The following SCUBE1 variants were observed in gnomAD, a reference collection of about 807,000 sequenced individuals.
SCUBE1 encodes signal peptide, CUB and EGF-like domain-containing protein 1.
Under a neutral mutation model 124.4 loss-of-function variants are expected in SCUBE1, and 59 were observed. The observed-to-expected ratio is 0.47, with a 90% CI of 0.38 to 0.59. SCUBE1 has a LOEUF of 0.59. Among genes scored for constraint, SCUBE1 ranks in the 20% least tolerant of loss-of-function variants. SCUBE1 has a pLI of 0.00. For synonymous variants in SCUBE1, 545 were observed against 550.9 expected (o/e 0.99, Z 0.15); for missense variants, 1,150 against 1,371.2 (o/e 0.84, Z 2.55).
chr22:43,338,614 C>T (rs1375836517), intron 2 of SCUBE1, among the ~76,000 whole-genome samples: 1 of 152,152 alleles, frequency 6.6e-6, no homozygotes, highest in East Asian at 1.9e-4. Flanking sequence ...CAACCTCTGC[C>T]TCCTGGGTTC....
chr22:43,266,729 G>T lies in SCUBE1; in HGVS notation c.485-3884C>A, dbSNP rs1054767327. On this transcript the variant is annotated intron_variant, in intron 4 of 21. Coordinates refer to ENST00000360835, the MANE Select transcript of SCUBE1 (RefSeq NM_173050.5). Reference sequence around the variant, plus strand: ...GAGCAGACGTTTCCTGGGGGGAACCGATTTGGGAACCTGGTGCAGAGTGGG... The same window carrying T: ...GAGCAGACGTTTCCTGGGGGGAACCTATTTGGGAACCTGGTGCAGAGTGGG... 2.6e-5 allele frequency among the ~76,000 whole-genome samples: 4 copies of T among 152,156 alleles called. No homozygotes were observed. The East Asian group carries it at 5.8e-4, about 22-fold the overall frequency.
intron 1 of SCUBE1, among the ~76,000 whole-genome samples, chr22:43,340,608 T>C (rs1045205509): frequency 8.7e-6 from 1 of 115,568 alleles, no homozygotes; most frequent in African/African-American, 3.4e-5. Context: ...ATAATCCAGG[T>C]TGATTCCTCA....
chr22:43,319,842 G>C, intron 3 of SCUBE1, 95 bp downstream of exon 3: 1 of 1,476,094 alleles, frequency 6.8e-7, no homozygotes, highest in Non-Finnish European at 9.2e-7. Flanking sequence ...GAAGCCAAAG[G>C]AAGGAGAACC....
intron 10 of SCUBE1, among the ~76,000 whole-genome samples, chr22:43,226,093 A>G (rs1323616681): frequency 6.6e-6 from 1 of 152,226 alleles, no homozygotes; most frequent in Non-Finnish European, 1.5e-5. Flanking sequence ...TCACTGACAA[A>G]TATTTACTCT....
At chr22:43,323,252 G>A (rs775608403) in intron 2 of SCUBE1, among the ~76,000 whole-genome samples, 3 of 152,010 alleles carry the variant, frequency 2.0e-5, no homozygotes, top group African/African-American at 4.8e-5. Flanking sequence ...ACACATGTGT[G>A]CATGCCTATC....
At chr22:43,319,702 G>A (rs528077732) in intron 3 of SCUBE1, among the ~76,000 whole-genome samples, 8 of 152,048 alleles carry the variant, frequency 5.3e-5, no homozygotes, top group East Asian at 1.9e-4. Flanking sequence ...CGGGCCCTCC[G>A]AAAAACCAAC....
intron 4 of SCUBE1, among the ~76,000 whole-genome samples, chr22:43,265,625 G>C (rs1924032254): frequency 6.6e-6 from 1 of 152,196 alleles, no homozygotes; most frequent in Non-Finnish European, 1.5e-5. Context: ...GGAGAGCAAG[G>C]GACGGGCCAG....
rs1488028612 is a variant in SCUBE1 at position 43,281,414 on chromosome 22, GCCA to G, written c.484+9629_484+9631del. ...CTCAGCTATCCTGTCACCTCCCTCAGCCATCCTCCTGTCACCTCCCTTGGCCAC... is the reference window on the plus strand; with the variant it reads ...CTCAGCTATCCTGTCACCTCCCTCAGTCCTCCTGTCACCTCCCTTGGCCAC... On this transcript the variant is annotated intron_variant, in intron 4 of 21. Transcript: ENST00000360835. Among the ~76,000 whole-genome samples, 114 of 76,722 alleles carry G rather than the reference GCCA, an allele frequency of 1.5e-3. 10 individuals are homozygous for G. Among genetic ancestry groups the G allele is most frequent in the East Asian group, 0.014 (10 of 706 alleles). 50.3% of individuals were successfully genotyped at this position (76,722 alleles called of 152,430 possible). A position where few individuals can be genotyped will look rare whatever the true frequency, so the allele number is the denominator to read the frequency against.
rs1925139956 is a variant in SCUBE1 at position 43,286,305 on chromosome 22, C to T, written c.484+4741G>A. On this transcript the variant is annotated intron_variant, in intron 4 of 21. Coordinates refer to ENST00000360835, the MANE Select transcript of SCUBE1 (RefSeq NM_173050.5). ...TCCATGGTAGAGCTGGGGTTCCAGC[C>T]TAGGCCACTGGGCCTGAAGCCCCGC... 2.0e-5 allele frequency among the ~76,000 whole-genome samples: 3 copies of T among 152,248 alleles called. No homozygotes were observed. The South Asian group carries it at 6.2e-4, about 32-fold the overall frequency.
intron 2 of SCUBE1, 145 bp from the exon 3 acceptor site, chr22:43,320,210 A>G: frequency 1.0e-6 from 1 of 980,574 alleles, no homozygotes; most frequent in Non-Finnish European, 1.5e-6. Flanking sequence ...TGAGGACTCA[A>G]GTATTATAAA....
chr22:43,311,489 C>T (rs914373008), intron 3 of SCUBE1, among the ~76,000 whole-genome samples: 2 of 149,264 alleles, frequency 1.3e-5, no homozygotes, highest in Non-Finnish European at 3.0e-5. Context: ...GGTGTAATCT[C>T]GGCTCATTGC....
chr22:43,198,607 T>G lies in SCUBE1; in HGVS notation c.*5390A>C, dbSNP rs1344798008. 2 of 456,610 alleles carry G rather than the reference T, an allele frequency of 4.4e-6. No homozygotes were observed. Among genetic ancestry groups the G allele is most frequent in the Non-Finnish European group, 8.8e-6 (2 of 226,974 alleles). The allele number at this position is 456,610 out of a possible 1,614,324, so 28.3% of individuals were successfully genotyped here. A position where few individuals can be genotyped will look rare whatever the true frequency, so the allele number is the denominator to read the frequency against. ...TCCTCTGCCCTTGGCCTGAATGATGTCGGCTCGGCATGGACACCTTGTGCA... is the reference window on the plus strand; with the variant it reads ...TCCTCTGCCCTTGGCCTGAATGATGGCGGCTCGGCATGGACACCTTGTGCA... On this transcript the variant is annotated 3_prime_UTR_variant, in exon 22 of 22. Coordinates refer to ENST00000360835, the MANE Select transcript of SCUBE1 (RefSeq NM_173050.5).
chr22:43,208,915 C>A (rs2146652362), intron 19 of SCUBE1, among the ~76,000 whole-genome samples: 1 of 152,194 alleles, frequency 6.6e-6, no homozygotes, highest in East Asian at 1.9e-4. Flanking sequence ...TCACGGCTCC[C>A]TGGGGGCCTT....
intron 2 of SCUBE1, among the ~76,000 whole-genome samples, chr22:43,326,626 C>T (rs142688371): frequency 6.6e-6 from 1 of 152,180 alleles, no homozygotes; most frequent in Non-Finnish European, 1.5e-5. Flanking sequence ...TCAAAGGGCA[C>T]GTAAAACTAA....
chr22:43,236,848 G>A (rs920696073), intron 7 of SCUBE1, among the ~76,000 whole-genome samples: 1 of 152,218 alleles, frequency 6.6e-6, no homozygotes, highest in Non-Finnish European at 1.5e-5. Flanking sequence ...GACCCCTACA[G>A]GCAGGAACCG....
intron 4 of SCUBE1, among the ~76,000 whole-genome samples, chr22:43,287,876 A>T (rs1925205940): frequency 6.6e-6 from 1 of 152,200 alleles, no homozygotes; most frequent in Admixed American, 6.5e-5. Context: ...TTGTCACAAC[A>T]GACTGAGGCT....
At chr22:43,206,330 T>C (rs1173194211) in intron 21 of SCUBE1, among the ~76,000 whole-genome samples, 1 of 149,176 alleles carries the variant, frequency 6.7e-6, no homozygotes, top group African/African-American at 2.5e-5. Flanking sequence ...CCACACACAC[T>C]GAACACCTCC....
chr22:43,279,615 G>C (rs985858866), intron 4 of SCUBE1, among the ~76,000 whole-genome samples: 2 of 152,226 alleles, frequency 1.3e-5, no homozygotes, highest in African/African-American at 4.8e-5. Context: ...CAGCTCTTCT[G>C]TTATAGAAGC....
At chr22:43,320,666 T>C (rs1926513464) in intron 2 of SCUBE1, among the ~76,000 whole-genome samples, 1 of 152,240 alleles carries the variant, frequency 6.6e-6, no homozygotes, top group South Asian at 2.1e-4. Context: ...TCTGAGCTGC[T>C]TCCACGCCCA....
Sources: allele counts gnomAD v4.1 joint callset (sites outside exome capture counted in the v4.1 genomes callset), GRCh38; gene constraint gnomAD v4.1.1; transcripts MANE v1.5; gene names NCBI Gene and HGNC (gene_info 2026-07-23, HGNC 2026-07-21).